Variants in SLC9A9 observed in about 807,000 individuals in gnomAD.
The protein encoded by SLC9A9 is solute carrier family 9 member A9, also known as sodium/hydrogen exchanger 9.
Under a neutral mutation model 77.8 loss-of-function variants are expected in SLC9A9, and 62 were observed. The observed-to-expected ratio is 0.80, with a 90% confidence interval of 0.65 to 0.98. The LOEUF is 0.98. Ranked by LOEUF, SLC9A9 falls within the 50% of genes least tolerant of loss-of-function variation. The pLI is 0.00. For synonymous variants in SLC9A9, 320 were observed against 283.5 expected (o/e 1.13, Z -1.29); for missense variants, 775 against 774.9 (o/e 1.00, Z 0.00).
At chr3:143,406,441 G>A (rs544472285) in intron 12 of SLC9A9, among the ~76,000 whole-genome samples, 42 of 151,414 alleles carry the variant, frequency 2.8e-4, no homozygotes, top group Non-Finnish European at 1.3e-4. Context: ...GCAATGGCGC[G>A]ATCTCGACTC....
intron 9 of SLC9A9, among the ~76,000 whole-genome samples, chr3:143,522,257 T>G (rs185394377): frequency 2.2e-4 from 34 of 152,320 alleles, no homozygotes; most frequent in Admixed American, 9.2e-4. Context: ...AAGAACTATT[T>G]ACCAACAAAT....
chr3:143,759,209 A>G (rs1234314439), intron 4 of SLC9A9, among the ~76,000 whole-genome samples: 1 of 152,078 alleles, frequency 6.6e-6, no homozygotes, highest in East Asian at 1.9e-4. Flanking sequence ...TTCCTGGATG[A>G]CAGACCTCTT....
intron 9 of SLC9A9, among the ~76,000 whole-genome samples, chr3:143,542,691 A>C (rs1426337468): frequency 3.3e-5 from 5 of 152,232 alleles, no homozygotes; most frequent in Non-Finnish European, 7.3e-5. Flanking sequence ...AATGCATCAT[A>C]TCAGAACTAA....
At chr3:143,428,710 GACACATACACAC>G (rs2034451093) in intron 12 of SLC9A9, among the ~76,000 whole-genome samples, 1 of 152,058 alleles carries the variant, frequency 6.6e-6, no homozygotes, top group Admixed American at 6.6e-5. Flanking sequence ...AATGAAGACA[GACACATACACAC>G]ACACAGACAC....
At chr3:143,529,802 A>G (rs947353741) in intron 9 of SLC9A9, among the ~76,000 whole-genome samples, 1 of 152,216 alleles carries the variant, frequency 6.6e-6, no homozygotes, top group African/African-American at 2.4e-5. Flanking sequence ...AAAATGGAAG[A>G]CTAGGAAGAT....
intron 6 of SLC9A9, among the ~76,000 whole-genome samples, chr3:143,618,342 G>T (rs1406300382): frequency 6.6e-6 from 1 of 152,154 alleles, no homozygotes; most frequent in Non-Finnish European, 1.5e-5. Flanking sequence ...GTCTTTGGAA[G>T]GGAGTGTAAA....
intron 2 of SLC9A9, among the ~76,000 whole-genome samples, chr3:143,816,887 T>C (rs992032011): frequency 6.6e-5 from 10 of 152,240 alleles, no homozygotes; most frequent in African/African-American, 2.4e-4. Flanking sequence ...CTTAAAGTTT[T>C]TCATTACTAA....
At chr3:143,457,492 C>T (rs2035114801) in intron 12 of SLC9A9, among the ~76,000 whole-genome samples, 2 of 152,088 alleles carry the variant, frequency 1.3e-5, no homozygotes, top group South Asian at 4.1e-4. Flanking sequence ...TTTTATCTTT[C>T]CTCTTACTTG....
intron 14 of SLC9A9, among the ~76,000 whole-genome samples, chr3:143,324,177 C>T (rs2031506765): frequency 2.6e-5 from 4 of 152,204 alleles, no homozygotes; most frequent in Admixed American, 2.0e-4. Context: ...AGGGGCAGAA[C>T]AGCACCAGCC....
chr3:143,733,485 A>G (rs1934860600), intron 4 of SLC9A9, among the ~76,000 whole-genome samples: 1 of 152,142 alleles, frequency 6.6e-6, no homozygotes, highest in African/African-American at 2.4e-5. Context: ...CACAGGACTA[A>G]TGAATTGTTT....
chr3:143,392,101 C>T (rs185361503), intron 12 of SLC9A9, among the ~76,000 whole-genome samples: 126 of 152,200 alleles, frequency 8.3e-4, no homozygotes, highest in African/African-American at 1.9e-3. Context: ...ACACAGAGAA[C>T]GCCACAAACA....
At chr3:143,308,944 C>T (rs1226545986) in intron 14 of SLC9A9, among the ~76,000 whole-genome samples, 1 of 152,224 alleles carries the variant, frequency 6.6e-6, no homozygotes, top group African/African-American at 2.4e-5. Context: ...GCTCAGTTTT[C>T]CCCCCATAAA....
At position 143,339,950 on chromosome 3, in the gene SLC9A9, T is replaced by TA. The variant is rs530242192; in HGVS notation, c.1604+23533dup. On this transcript the variant is annotated intron_variant, in intron 14 of 15. Transcript: ENST00000316549. Reference sequence around the variant, plus strand: ...GGCTTCCAAAAGGTATTAACTGACATAAAAAAAGCAACCAAGTCAAAGACT... The same window carrying TA: ...GGCTTCCAAAAGGTATTAACTGACATAAAAAAAAGCAACCAAGTCAAAGACT... Among the ~76,000 whole-genome samples the TA allele has an allele frequency of 4.6e-5, 7 of 152,084 alleles. No individual in the cohort carries two copies. The South Asian group carries it at 8.3e-4, about 18-fold the overall frequency.
intron 2 of SLC9A9, among the ~76,000 whole-genome samples, chr3:143,829,004 A>C (rs952168165): frequency 6.6e-6 from 1 of 152,188 alleles, no homozygotes; most frequent in African/African-American, 2.4e-5. Flanking sequence ...GAACACAGTC[A>C]CACAGTCATC....
chr3:143,463,344 C>T (rs1013589554), intron 12 of SLC9A9, among the ~76,000 whole-genome samples: 3 of 152,224 alleles, frequency 2.0e-5, no homozygotes, highest in African/African-American at 7.2e-5. Flanking sequence ...CGGTGCTCTA[C>T]CCTAAGCCAA....
At chr3:143,465,130 T>A (rs2035262343) in intron 12 of SLC9A9, among the ~76,000 whole-genome samples, 1 of 152,226 alleles carries the variant, frequency 6.6e-6, no homozygotes, top group Non-Finnish European at 1.5e-5. Flanking sequence ...TTGGAGCCGG[T>A]TCCTGCTGGG....
In SLC9A9 at chr3:143,540,870, T is replaced by A. The variant is rs2036677914; in HGVS notation, c.1089+11492A>T. Among the ~76,000 whole-genome samples, 5 of 152,188 alleles carry A rather than the reference T, an allele frequency of 3.3e-5. No homozygotes were observed. In the South Asian group the frequency reaches 1.0e-3, roughly 32 times the overall value. ...CCTGACACATTATAGTGTTCAACAA[T>A]TGTTGATACTAAATTTTTTAAAACC... On this transcript the variant is annotated intron_variant, in intron 9 of 15. Transcript: ENST00000316549.
chr3:143,584,101 C>G (rs1007091274), intron 6 of SLC9A9, among the ~76,000 whole-genome samples: 2 of 152,064 alleles, frequency 1.3e-5, no homozygotes, highest in Admixed American at 6.5e-5. Flanking sequence ...TAGATGGCAC[C>G]ACAACAATGC....
intron 1 of SLC9A9, among the ~76,000 whole-genome samples, chr3:143,837,959 A>G (rs1427579275): frequency 6.6e-6 from 1 of 152,186 alleles, no homozygotes; most frequent in African/African-American, 2.4e-5. Context: ...AAAGGAAAGA[A>G]CCTTGGTTTT....
Sources: gnomAD v4.1 joint callset for allele counts (sites outside exome capture counted in the v4.1 genomes callset) on GRCh38, gnomAD v4.1.1 for gene constraint, MANE v1.5 for transcripts, NCBI Gene and HGNC (gene_info 2026-07-23, HGNC 2026-07-21) for gene names.